The following DPP10 variants were observed in gnomAD, a reference collection of about 807,000 sequenced individuals.
The protein encoded by DPP10 is dipeptidyl peptidase like 10, also known as inactive dipeptidyl peptidase 10.
DPP10 carries 33 observed loss-of-function variants against 120.9 expected under a neutral mutation model. The observed-to-expected ratio is 0.27, with a 90% CI of 0.21 to 0.37. The LOEUF is 0.37. Among genes scored for constraint, DPP10 ranks in the 10% least tolerant of loss-of-function variants. The pLI is 1.00. For synonymous variants in DPP10, 337 were observed against 326.1 expected (o/e 1.03, Z -0.36); for missense variants, 816 against 942.8 (o/e 0.87, Z 1.76).
At chr2:115,479,996 C>A (rs377181992) in intron 3 of DPP10, among the ~76,000 whole-genome samples, 3 of 152,056 alleles carry the variant, frequency 2.0e-5, no homozygotes, top group Non-Finnish European at 2.9e-5. Context: ...TCTGATAGTA[C>A]GAGGAATGTT....
intron 1 of DPP10, among the ~76,000 whole-genome samples, chr2:114,820,334 A>G (rs548487592): frequency 6.6e-6 from 1 of 152,316 alleles, no homozygotes; most frequent in African/African-American, 2.4e-5. Context: ...ATCAACATCT[A>G]TACACTTGCA....
chr2:115,170,530 G>A (rs1313879304), intron 1 of DPP10, among the ~76,000 whole-genome samples: 1 of 152,148 alleles, frequency 6.6e-6, no homozygotes, highest in Non-Finnish European at 1.5e-5. Context: ...ATGAAATTAT[G>A]AATAGATTTT....
At chr2:114,929,202 G>A (rs1695878676) in intron 1 of DPP10, among the ~76,000 whole-genome samples, 1 of 152,078 alleles carries the variant, frequency 6.6e-6, no homozygotes, top group Non-Finnish European at 1.5e-5. Context: ...AGATCACAAG[G>A]GCAGAGAGGC....
In DPP10 at chr2:115,137,566, G is replaced by A. The variant is rs59961410; in HGVS notation, c.61-171673G>A. On this transcript the variant is annotated intron_variant, in intron 1 of 25. Coordinates refer to ENST00000410059, the MANE Select transcript of DPP10 (RefSeq NM_020868.6). Reference sequence around the variant, plus strand: ...GAAAGGCACTTAGGCTGGATACCTAGGAATGTCTAACAGCAGGTGGAGCAG... The same window carrying A: ...GAAAGGCACTTAGGCTGGATACCTAAGAATGTCTAACAGCAGGTGGAGCAG... Among the ~76,000 whole-genome samples, 25 of 152,338 alleles carry A rather than the reference G, an allele frequency of 1.6e-4. No homozygotes were observed. The East Asian group carries it at 3.1e-3, about 19-fold the overall frequency.
chr2:115,697,874 ACT>A (rs1435942052), intron 7 of DPP10, among the ~76,000 whole-genome samples: 2 of 151,972 alleles, frequency 1.3e-5, no homozygotes, highest in African/African-American at 4.8e-5. Context: ...AGTCCCAGTT[ACT>A]CTGAAGGCTG....
At chr2:115,395,113 G>A (rs911777291) in intron 3 of DPP10, among the ~76,000 whole-genome samples, 1 of 152,162 alleles carries the variant, frequency 6.6e-6, no homozygotes, top group Non-Finnish European at 1.5e-5. Flanking sequence ...TGGCTTAAAT[G>A]AATGAAATGT....
At chr2:115,551,877 A>G (rs906683698) in intron 5 of DPP10, among the ~76,000 whole-genome samples, 1 of 151,672 alleles carries the variant, frequency 6.6e-6, no homozygotes, top group African/African-American at 2.4e-5. Flanking sequence ...ACAGTTGGTT[A>G]AAAAAAGCTA....
At chr2:114,640,528 C>T (rs534499913) in intron 1 of DPP10, among the ~76,000 whole-genome samples, 3 of 151,452 alleles carry the variant, frequency 2.0e-5, no homozygotes, top group Non-Finnish European at 4.4e-5. Flanking sequence ...AGAGGATACA[C>T]CTCGTCATGC....
intron 1 of DPP10, among the ~76,000 whole-genome samples, chr2:114,992,310 A>T (rs1231155247): frequency 6.6e-6 from 1 of 152,150 alleles, no homozygotes; most frequent in African/African-American, 2.4e-5. Flanking sequence ...AAAATGTTAG[A>T]CATCCCTCTA....
At chr2:114,776,003 T>G (rs1681699542) in intron 1 of DPP10, among the ~76,000 whole-genome samples, 1 of 152,144 alleles carries the variant, frequency 6.6e-6, no homozygotes, top group African/African-American at 2.4e-5. Context: ...TTCACTGTGC[T>G]TGGATGCAGA....
intron 1 of DPP10, among the ~76,000 whole-genome samples, chr2:114,612,278 T>G (rs972889481): frequency 6.6e-6 from 1 of 152,142 alleles, no homozygotes; most frequent in East Asian, 1.9e-4. Flanking sequence ...CATTCCTGCA[T>G]CCCTTTTTAT....
chr2:115,455,912 G>A (rs1373416290), intron 3 of DPP10, among the ~76,000 whole-genome samples: 1 of 152,092 alleles, frequency 6.6e-6, no homozygotes, highest in Non-Finnish European at 1.5e-5. Flanking sequence ...CATGGGCAAA[G>A]ACTTCATGAC....
intron 1 of DPP10, among the ~76,000 whole-genome samples, chr2:114,890,361 G>A (rs1692439372): frequency 6.6e-6 from 1 of 152,164 alleles, no homozygotes; most frequent in Admixed American, 6.5e-5. Context: ...CTGAAAGGAA[G>A]ATAGAGATAA....
At chr2:114,941,297 A>C (rs975637118) in intron 1 of DPP10, among the ~76,000 whole-genome samples, 11 of 152,154 alleles carry the variant, frequency 7.2e-5, no homozygotes, top group African/African-American at 2.4e-4. Flanking sequence ...ATTTGCTGAA[A>C]GGCTTGGATT....
intron 1 of DPP10, chr2:115,162,052 G>C: frequency 7.0e-7 from 1 of 1,429,880 alleles, no homozygotes; most frequent in Non-Finnish European, 9.1e-7. Flanking sequence ...GCCGCGGCCA[G>C]GCCCTCCCGG....
chr2:115,670,821 TA>T (rs1575486782), intron 5 of DPP10, among the ~76,000 whole-genome samples: 1 of 152,214 alleles, frequency 6.6e-6, no homozygotes, highest in Admixed American at 6.5e-5. Flanking sequence ...ATAGGCCAAA[TA>T]AAAGTTAGAT....
intron 5 of DPP10, among the ~76,000 whole-genome samples, chr2:115,677,461 C>T (rs1485568809): frequency 6.7e-6 from 1 of 148,176 alleles, no homozygotes; most frequent in Non-Finnish European, 1.5e-5. Context: ...TTAAATTCCC[C>T]AATAAAAAGA....
rs374685399 is a variant in DPP10, at chr2:115,416,215, C to G, written c.271+72303C>G. Reference sequence around the variant, plus strand: ...GCAGACATTTTTCTTAGCCAAGTCACACAGGTAAGTAACAAGGTAGATTCA... The same window carrying G: ...GCAGACATTTTTCTTAGCCAAGTCAGACAGGTAAGTAACAAGGTAGATTCA... On this transcript the variant is annotated intron_variant, in intron 3 of 25. Coordinates refer to ENST00000410059, the MANE Select transcript of DPP10 (RefSeq NM_020868.6). 5.9e-5 allele frequency among the ~76,000 whole-genome samples: 9 copies of G among 152,174 alleles called. No individual in the cohort carries two copies. The East Asian group carries it at 1.4e-3, about 23-fold the overall frequency.
chr2:115,067,497 C>A (rs1422379403), intron 1 of DPP10, among the ~76,000 whole-genome samples: 2 of 150,318 alleles, frequency 1.3e-5, no homozygotes, highest in East Asian at 2.1e-4. Flanking sequence ...CGTGATCCCC[C>A]CGCCTCGGCC....
Sources: allele counts gnomAD v4.1 joint callset (sites outside exome capture counted in the v4.1 genomes callset), GRCh38; gene constraint gnomAD v4.1.1; transcripts MANE v1.5; gene names NCBI Gene and HGNC (gene_info 2026-07-23, HGNC 2026-07-21).